The following ZNF490 variants were observed in gnomAD, a reference collection of about 807,000 sequenced individuals.
The protein encoded by ZNF490 is zinc finger protein 490.
Under a neutral mutation model 17.7 loss-of-function variants are expected in ZNF490, and 11 were observed. That is an observed-to-expected ratio of 0.62 (90% CI 0.39 to 1.03). The LOEUF (loss-of-function observed/expected upper bound fraction) is 1.03, where lower values mean the gene tolerates loss of function less well. Ranked by LOEUF, ZNF490 falls within the 50% of genes least tolerant of loss-of-function variation. The pLI, the probability that ZNF490 is intolerant of heterozygous loss-of-function variation, is 0.00. For synonymous variants in ZNF490, 222 were observed against 216.1 expected, an observed-to-expected ratio of 1.03 and a Z score of -0.24; for missense variants, 542 against 643.4, an observed-to-expected ratio of 0.84 and a Z score of 1.71.
rs1486079662 is a variant in ZNF490, at chr19:12,580,215, G to A, written c.*270C>T. ...TTCTCAGGTGTCTTTAAAAGATTACGTGAAGTGAAGGCTTTCCTACACTCC... is the reference window on the plus strand; with the variant it reads ...TTCTCAGGTGTCTTTAAAAGATTACATGAAGTGAAGGCTTTCCTACACTCC... On this transcript the variant is annotated 3_prime_UTR_variant, in exon 5 of 5. Coordinates refer to ENST00000311437, the MANE Select transcript of ZNF490 (RefSeq NM_020714.3). 26 of 1,193,730 alleles carry A rather than the reference G, an allele frequency of 2.2e-5. 1 individual carries two copies. Among genetic ancestry groups the A allele is most frequent in the Admixed American group, 8.0e-5 (2 of 25,062 alleles). The allele number at this position is 1,193,730 out of a possible 1,614,324, so 73.9% of individuals were successfully genotyped here.
chr19:12,610,568 A>T lies in ZNF490; in HGVS notation c.113T>A (p.Leu38His). 6.2e-7 allele frequency: 1 copy of T among 1,613,568 alleles called. No individual in the cohort carries two copies. The highest frequency in any genetic ancestry group is 8.5e-7 in the Non-Finnish European group (1 of 1,179,622). The change falls in exon 1 of 5, where the codon CTC (leucine) becomes CAC (histidine). Residue 38 changes from leucine (L) to histidine (H), a missense_variant. Coordinates refer to ENST00000311437, the MANE Select transcript of ZNF490 (RefSeq NM_020714.3). ...GRTGTGGSDV[L>H]QMQNSEHHGQ... ...ATTATGCCAAGCCCCTGGTACCTGG[A>T]GGACATCAGACCCTCCTGTTCCTGT...
chr19:12,605,483 TA>T (rs34883425), intron 2 of ZNF490, among the ~76,000 whole-genome samples: 91,946 of 146,758 alleles, frequency 0.63, 29,098 homozygotes, highest in Non-Finnish European at 0.67. Context: ...CCTGCTCTAT[TA>T]AAAAAAAAAA....
At chr19:12,594,836 CATCA>C (rs1280038445) in intron 2 of ZNF490, among the ~76,000 whole-genome samples, 2 of 152,180 alleles carry the variant, frequency 1.3e-5, no homozygotes, top group East Asian at 1.9e-4. Flanking sequence ...TCAATCCATC[CATCA>C]ATCAATCAGT....
At position 12,577,307 on chromosome 19, in the gene ZNF490, CAG is replaced by C. The variant is rs947824554; in HGVS notation, c.*3176_*3177del. Among the ~76,000 whole-genome samples the C allele has an allele frequency of 2.8e-4, 43 of 152,262 alleles. No homozygotes were observed. Among genetic ancestry groups the C allele is most frequent in the African/African-American group, 9.6e-4 (40 of 41,544 alleles). The stretch of plus-strand genomic sequence containing the variant: ...AATGTTCTCACTCCCATTCCTGTAG[CAG>C]AGATACCCCTTAGTTCCCCAATACC... On this transcript the variant is annotated 3_prime_UTR_variant, in exon 5 of 5. Transcript: ENST00000311437.
At chr19:12,609,068 C>A in intron 2 of ZNF490, 90 bp downstream of exon 2, 1 of 1,274,110 alleles carries the variant, frequency 7.8e-7, no homozygotes, top group Non-Finnish European at 1.1e-6. Context: ...CCCGAAAGAC[C>A]CCCCCACAAA....
At chr19:12,594,468 A>C (rs1192149463) in intron 2 of ZNF490, among the ~76,000 whole-genome samples, 2 of 150,928 alleles carry the variant, frequency 1.3e-5, no homozygotes, top group East Asian at 3.9e-4. Context: ...TCCATCTCAA[A>C]AAAAAAAAAA....
intron 2 of ZNF490, among the ~76,000 whole-genome samples, chr19:12,590,939 T>C (rs2022862515): frequency 6.6e-6 from 1 of 151,858 alleles, no homozygotes; most frequent in African/African-American, 2.4e-5. Context: ...AAAAAATTTT[T>C]TTTAAATAAA....
chr19:12,606,779 T>G (rs2023073149), intron 2 of ZNF490, among the ~76,000 whole-genome samples: 2 of 152,154 alleles, frequency 1.3e-5, no homozygotes, highest in African/African-American at 4.8e-5. Flanking sequence ...CATTCACAAG[T>G]ATCATTTCCA....
intron 2 of ZNF490, among the ~76,000 whole-genome samples, chr19:12,604,385 C>T (rs554932430): frequency 6.6e-6 from 1 of 152,232 alleles, no homozygotes; most frequent in African/African-American, 2.4e-5. Flanking sequence ...GGTGCAGTGG[C>T]TCACACCTAT....
At chr19:12,601,744 G>C (rs1387896553) in intron 2 of ZNF490, among the ~76,000 whole-genome samples, 1 of 152,086 alleles carries the variant, frequency 6.6e-6, no homozygotes, top group Non-Finnish European at 1.5e-5. Context: ...TGTAATCCCA[G>C]CACTTTGGGA....
At position 12,577,970 on chromosome 19, in the gene ZNF490, C is replaced by G. The variant is rs1000930119; in HGVS notation, c.*2515G>C. 2.4e-5 allele frequency: 24 copies of G among 985,340 alleles called. No homozygotes were observed. The highest frequency in any genetic ancestry group is 2.8e-5 in the Non-Finnish European group (23 of 829,982). 61.0% of individuals were successfully genotyped at this position (985,340 alleles called of 1,614,324 possible). A position where few individuals can be genotyped will look rare whatever the true frequency, so the allele number is the denominator to read the frequency against. On this transcript the variant is annotated 3_prime_UTR_variant, in exon 5 of 5. Coordinates refer to ENST00000311437, the MANE Select transcript of ZNF490 (RefSeq NM_020714.3). ...CGGAGAATTCGGAGGCTCCAGCAAG[C>G]AGTTTATTGGGAGTTGAGTTCACCT... is the stretch of plus-strand genomic sequence containing the variant.
At position 12,584,149 on chromosome 19, in the gene ZNF490, T is replaced by C. The variant is rs2022786546; in HGVS notation, c.163-593A>G. 2.4e-5 allele frequency among the ~76,000 whole-genome samples: 2 copies of C among 83,580 alleles called. 1 individual carries two copies. Among genetic ancestry groups the C allele is most frequent in the Non-Finnish European group, 6.3e-5 (2 of 31,728 alleles). 54.8% of individuals were successfully genotyped at this position (83,580 alleles called of 152,430 possible). A position where few individuals can be genotyped will look rare whatever the true frequency, so the allele number is the denominator to read the frequency against. ...TTAACTGTGATCACTTGAAGCCTTATTGTTCTTTTTCTTTTTATTTTTTTT... is the reference window on the plus strand; with the variant it reads ...TTAACTGTGATCACTTGAAGCCTTACTGTTCTTTTTCTTTTTATTTTTTTT... On this transcript the variant is annotated intron_variant, in intron 2 of 4. Coordinates refer to ENST00000311437, the MANE Select transcript of ZNF490 (RefSeq NM_020714.3).
intron 2 of ZNF490, among the ~76,000 whole-genome samples, chr19:12,600,638 T>G (rs2022991646): frequency 6.6e-6 from 1 of 152,134 alleles, no homozygotes; most frequent in African/African-American, 2.4e-5. Flanking sequence ...GAGTAACAGA[T>G]TTCCTTGTCA....
chr19:12,580,185 A>G lies in ZNF490; in HGVS notation c.*300T>C, dbSNP rs1568277131. 8.9e-7 allele frequency: 1 copy of G among 1,122,036 alleles called. No individual in the cohort carries two copies. The highest frequency in any genetic ancestry group is 1.6e-5 in the African/African-American group (1 of 62,262). The allele number at this position is 1,122,036 out of a possible 1,614,324, so 69.5% of individuals were successfully genotyped here. A position where few individuals can be genotyped will look rare whatever the true frequency, so the allele number is the denominator to read the frequency against. On this transcript the variant is annotated 3_prime_UTR_variant, in exon 5 of 5. Transcript: ENST00000311437. The stretch of plus-strand genomic sequence containing the variant: ...ATTTTCTTTATAGTTTCTCTCCAGT[A>G]TATATTCTCAGGTGTCTTTAAAAGA...
intron 2 of ZNF490, 48 bp downstream of exon 2, chr19:12,609,110 T>C (rs1599315965): frequency 1.9e-6 from 3 of 1,601,720 alleles, no homozygotes; most frequent in Admixed American, 1.7e-5. Flanking sequence ...CAAATGGTCA[T>C]TATAAACAAG....
At chr19:12,593,219 T>TA (rs1158000447) in intron 2 of ZNF490, among the ~76,000 whole-genome samples, 1 of 151,052 alleles carries the variant, frequency 6.6e-6, no homozygotes, top group East Asian at 1.9e-4. Context: ...AGCCGTGAGG[T>TA]AAAAAAAGAT....
At chr19:12,610,422 G>C in intron 1 of ZNF490, 142 bp downstream of exon 1, 1 of 716,666 alleles carries the variant, frequency 1.4e-6, no homozygotes, top group Admixed American at 2.3e-5. Context: ...GGAAAAGAAA[G>C]GTGGACGCCT....
chr19:12,583,291 A>C (rs1238158768), intron 3 of ZNF490, 139 bp downstream of exon 3: 8 of 962,350 alleles, frequency 8.3e-6, no homozygotes, highest in Non-Finnish European at 1.2e-5. Flanking sequence ...CGCCCGCCTC[A>C]GCCTCCCAAA....
Position 12,578,243 on chromosome 19 carries a change from CAG to C in ZNF490, c.*2240_*2241del. On this transcript the variant is annotated 3_prime_UTR_variant, in exon 5 of 5. Transcript: ENST00000311437. ...TCTCAGGGTAGAATGTGCCAGAAAA[CAG>C]GGAAAGCAAGTTAGGGGAGGTAAGA... 1 of 985,538 alleles carries C rather than the reference CAG, an allele frequency of 1.0e-6. No individual in the cohort carries two copies. The highest frequency in any genetic ancestry group is 4.7e-5 in the South Asian group (1 of 21,288). 61.0% of individuals were successfully genotyped at this position (985,538 alleles called of 1,614,324 possible).
Sources: allele counts gnomAD v4.1 joint callset (sites outside exome capture counted in the v4.1 genomes callset), GRCh38; gene constraint gnomAD v4.1.1; transcripts MANE v1.5; gene names NCBI Gene and HGNC (gene_info 2026-07-23, HGNC 2026-07-21).